Variants in SYT16 observed in about 807,000 individuals in gnomAD.
SYT16 encodes synaptotagmin-16.
Under a neutral mutation model 61.4 loss-of-function variants are expected in SYT16, and 42 were observed. That is an observed-to-expected ratio of 0.68 (90% confidence interval 0.53 to 0.89). The LOEUF is 0.89. Ranked by LOEUF, SYT16 falls within the 40% of genes least tolerant of loss-of-function variation. The pLI is 0.00. For missense variants in SYT16, 804 were observed against 807.3 expected (o/e 1.00, Z 0.05); for synonymous variants, 314 against 302.3 (o/e 1.04, Z -0.40).
At chr14:62,112,816 A>G (rs1272468820), downstream of SYT16, among the ~76,000 whole-genome samples, 10 of 152,344 alleles carry the variant, frequency 6.6e-5, no homozygotes, top group African/African-American at 2.4e-4. Context: ...GCTGACTTGA[A>G]GAACATCAGG....
chr14:61,888,396 G>T (rs1395829683), intron 1 of SYT16, among the ~76,000 whole-genome samples: 3 of 152,140 alleles, frequency 2.0e-5, no homozygotes, highest in Non-Finnish European at 4.4e-5. Context: ...GGGATTACAG[G>T]CATGAGCCAC....
At chr14:62,074,126 G>C (rs2056396586) in intron 4 of SYT16, among the ~76,000 whole-genome samples, 1 of 152,146 alleles carries the variant, frequency 6.6e-6, no homozygotes, top group Admixed American at 6.5e-5. Flanking sequence ...TTTGGGTGTG[G>C]GAGGCAAATA....
intron 2 of SYT16, among the ~76,000 whole-genome samples, chr14:61,979,224 G>A (rs897161223): frequency 6.6e-6 from 1 of 152,038 alleles, no homozygotes; most frequent in Admixed American, 6.5e-5. Context: ...ATTATTTTTG[G>A]CTCCTTGAGA....
At chr14:61,907,091 C>T (rs1035467965) in intron 1 of SYT16, among the ~76,000 whole-genome samples, 5 of 152,214 alleles carry the variant, frequency 3.3e-5, no homozygotes, top group African/African-American at 4.8e-5. Flanking sequence ...GTCATTGCAA[C>T]TGAAAGAACT....
chr14:62,043,086 G>A (rs903710927), intron 3 of SYT16, among the ~76,000 whole-genome samples: 6 of 143,022 alleles, frequency 4.2e-5, no homozygotes, highest in Non-Finnish European at 9.1e-5. Flanking sequence ...TTTAAAGGTT[G>A]CCTGTGGTTT....
At chr14:62,047,350 C>T (rs2055039124) in intron 3 of SYT16, among the ~76,000 whole-genome samples, 1 of 152,128 alleles carries the variant, frequency 6.6e-6, no homozygotes, top group South Asian at 2.1e-4. Context: ...GCTGAAGTTG[C>T]TTATCAGCTT....
At chr14:62,021,532 A>C (rs1009841098) in intron 3 of SYT16, among the ~76,000 whole-genome samples, 1 of 151,928 alleles carries the variant, frequency 6.6e-6, no homozygotes, top group Non-Finnish European at 1.5e-5. Flanking sequence ...GAGGTCTTCA[A>C]CTGTGCCCAA....
At chr14:61,889,036 GA>G (rs1245933874) in intron 1 of SYT16, among the ~76,000 whole-genome samples, 2 of 151,864 alleles carry the variant, frequency 1.3e-5, no homozygotes, top group Admixed American at 6.6e-5. Flanking sequence ...AGCTGTTAAA[GA>G]AAAAAAAGAT....
chr14:62,095,421 T>G (rs2057237324), intron 7 of SYT16, among the ~76,000 whole-genome samples: 2 of 151,990 alleles, frequency 1.3e-5, no homozygotes, highest in East Asian at 1.9e-4. Flanking sequence ...GTAATATTTC[T>G]TATATAAAAT....
chr14:61,969,405 A>G (rs1251819754), intron 1 of SYT16, among the ~76,000 whole-genome samples: 3 of 151,952 alleles, frequency 2.0e-5, no homozygotes, highest in African/African-American at 7.3e-5. Context: ...AATGGCTGGG[A>G]CTCTTTGAGG....
intron 3 of SYT16, among the ~76,000 whole-genome samples, chr14:62,064,912 C>A (rs1192796889): frequency 7.2e-5 from 11 of 152,154 alleles, no homozygotes. Flanking sequence ...CCACTATTGA[C>A]TTCTATTGCT....
rs2057516762 is a variant in SYT16, at chr14:62,106,547, A to T, written c.*5840A>T. Reference sequence around the variant, plus strand: ...TATACCCTTTATAAAGTTCCTTCTAATATTTAGGTGTAACGTTAAAAAAGA... The same window carrying T: ...TATACCCTTTATAAAGTTCCTTCTATTATTTAGGTGTAACGTTAAAAAAGA... On this transcript the variant is annotated 3_prime_UTR_variant, in exon 8 of 8. Coordinates refer to ENST00000683842, the MANE Select transcript of SYT16 (RefSeq NM_001367656.1). 3 of 152,164 alleles carry T rather than the reference A, an allele frequency of 2.0e-5. No homozygotes were observed. Among genetic ancestry groups the T allele is most frequent in the Admixed American group, 2.0e-4 (3 of 15,278 alleles). The allele number at this position is 152,164 out of a possible 1,614,324, so 9.4% of individuals were successfully genotyped here. A position where few individuals can be genotyped will look rare whatever the true frequency, so the allele number is the denominator to read the frequency against.
rs111654855 is a variant in SYT16, at chr14:62,016,347, T to A, written c.523+19805T>A. 6.3e-3 allele frequency among the ~76,000 whole-genome samples: 963 copies of A among 152,276 alleles called. 15 individuals are homozygous for A. The highest frequency in any genetic ancestry group is 0.022 in the African/African-American group (902 of 41,564). ...AATATTAGTGCTGAAGAACATTTAA[T>A]AAGATCATCATCATTTGAGTCTTTG... On this transcript the variant is annotated intron_variant, in intron 3 of 7. Coordinates refer to ENST00000683842, the MANE Select transcript of SYT16 (RefSeq NM_001367656.1).
Position 62,107,830 on chromosome 14 carries a change from A to C in SYT16, c.*7123A>C, listed in dbSNP as rs2057539920. ...TTCCAGCAGTGAAAAGAATTATAGC[A>C]TCAAATAGGATATTTAGTATTCTTG... is the stretch of plus-strand genomic sequence containing the variant. On this transcript the variant is annotated 3_prime_UTR_variant, in exon 8 of 8. Transcript: ENST00000683842. The C allele has an allele frequency of 6.6e-6, 1 of 152,240 alleles. No homozygotes were observed. The allele number at this position is 152,240 out of a possible 1,614,324, so 9.4% of individuals were successfully genotyped here.
At chr14:61,925,674 TC>T (rs2049507772) in intron 1 of SYT16, among the ~76,000 whole-genome samples, 1 of 152,210 alleles carries the variant, frequency 6.6e-6, no homozygotes, top group Non-Finnish European at 1.5e-5. Context: ...ATTTTGACCA[TC>T]TTTCACGTTT....
chr14:61,936,959 T>C (rs541862307), intron 1 of SYT16, among the ~76,000 whole-genome samples: 1 of 152,308 alleles, frequency 6.6e-6, no homozygotes, highest in East Asian at 1.9e-4. Flanking sequence ...ATTGTTCTCA[T>C]TGGTGAATTT....
At chr14:61,908,046 A>G (rs565789894) in intron 1 of SYT16, among the ~76,000 whole-genome samples, 22 of 152,328 alleles carry the variant, frequency 1.4e-4, no homozygotes, top group African/African-American at 4.8e-4. Flanking sequence ...ATTTAATACT[A>G]TACTTCACAG....
chr14:61,975,767 G>A (rs1377035928), intron 2 of SYT16, among the ~76,000 whole-genome samples: 1 of 152,114 alleles, frequency 6.6e-6, no homozygotes, highest in African/African-American at 2.4e-5. Flanking sequence ...TCAAAATGAG[G>A]TTTGGGTGGG....
intron 1 of SYT16, among the ~76,000 whole-genome samples, chr14:61,885,717 A>G (rs987127460): frequency 1.3e-5 from 2 of 152,234 alleles, no homozygotes; most frequent in Non-Finnish European, 2.9e-5. Context: ...TGAGTCACAT[A>G]CATTTTTTGG....
Sources: gnomAD v4.1 joint callset for allele counts (sites outside exome capture counted in the v4.1 genomes callset) on GRCh38, gnomAD v4.1.1 for gene constraint, MANE v1.5 for transcripts, NCBI Gene and HGNC (gene_info 2026-07-23, HGNC 2026-07-21) for gene names.